PLCB1: variants seen among roughly 807,000 people sequenced by gnomAD.
The protein encoded by PLCB1 is 1-phosphatidylinositol 4,5-bisphosphate phosphodiesterase beta-1.
PLCB1 carries 46 observed loss-of-function variants against 161.8 expected under a neutral mutation model. The observed-to-expected ratio is 0.28, with a 90% CI of 0.22 to 0.36. The LOEUF is 0.36. PLCB1 is among the 10% of genes least tolerant of loss of function. PLCB1 has a pLI of 1.00. For synonymous variants in PLCB1, 517 were observed against 503.7 expected, an observed-to-expected ratio of 1.03 and a Z score of -0.35; for missense variants, 1,016 against 1,472.5, an observed-to-expected ratio of 0.69 and a Z score of 5.07.
chr20:8,530,146 A>G (rs1045944625), intron 3 of PLCB1, among the ~76,000 whole-genome samples: 1 of 152,114 alleles, frequency 6.6e-6, no homozygotes, highest in Non-Finnish European at 1.5e-5. Context: ...TTTCACTTCT[A>G]TGAAGTATCT....
At chr20:8,377,347 A>G (rs1038716728) in intron 3 of PLCB1, among the ~76,000 whole-genome samples, 3 of 152,172 alleles carry the variant, frequency 2.0e-5, no homozygotes, top group East Asian at 1.9e-4. Flanking sequence ...AGGAAGGCCA[A>G]TGTGGCTACT....
intron 12 of PLCB1, among the ~76,000 whole-genome samples, chr20:8,710,794 C>T (rs1466692860): frequency 6.6e-6 from 1 of 151,968 alleles, no homozygotes; most frequent in Non-Finnish European, 1.5e-5. Flanking sequence ...GATTGGCATA[C>T]TTATGTTCTT....
chr20:8,423,885 G>A (rs576680043), intron 3 of PLCB1, among the ~76,000 whole-genome samples: 1 of 152,230 alleles, frequency 6.6e-6, no homozygotes, highest in East Asian at 1.9e-4. Context: ...TTCCTAGAGT[G>A]TCTTGTATTT....
At chr20:8,795,296 A>G (rs142670112) in intron 31 of PLCB1, among the ~76,000 whole-genome samples, 118 of 152,304 alleles carry the variant, frequency 7.7e-4, no homozygotes, top group African/African-American at 2.6e-3. Flanking sequence ...GGAAAACAGA[A>G]GTAGGTGGTC....
Position 8,717,384 on chromosome 20 carries a change from T to C in PLCB1, c.1336-287T>C, listed in dbSNP as rs184387675. Reference sequence around the variant, plus strand: ...AAGATGATTGGGTTTCTATGTTCCATTGGAAAATTCATAAATGTTCAGATT... The same window carrying C: ...AAGATGATTGGGTTTCTATGTTCCACTGGAAAATTCATAAATGTTCAGATT... On this transcript the variant is annotated intron_variant, in intron 13 of 31. Coordinates refer to ENST00000338037, the MANE Select transcript of PLCB1 (RefSeq NM_015192.4). 3.5e-4 allele frequency among the ~76,000 whole-genome samples: 54 copies of C among 152,332 alleles called. No homozygotes were observed. In the East Asian group the frequency reaches 5.8e-3, roughly 16 times the overall value.
At chr20:8,299,087 T>C (rs17431067) in intron 2 of PLCB1, among the ~76,000 whole-genome samples, 16,870 of 152,120 alleles carry the variant, frequency 0.11, 1,419 homozygotes, top group Non-Finnish European at 0.17. Context: ...TGCAAAACTT[T>C]CTAAAATCCT....
chr20:8,870,077 A>G (rs1301650236), intron 31 of PLCB1, among the ~76,000 whole-genome samples: 1 of 152,178 alleles, frequency 6.6e-6, no homozygotes, highest in African/African-American at 2.4e-5. Flanking sequence ...TCTTCAAGGA[A>G]TGGAGAAATA....
intron 2 of PLCB1, among the ~76,000 whole-genome samples, chr20:8,213,692 G>GT (rs1568592427): frequency 6.6e-5 from 10 of 151,114 alleles, no homozygotes; most frequent in African/African-American, 2.2e-4. Context: ...TGGTGGTGGT[G>GT]GTGTGTGTGT....
chr20:8,269,038 C>G (rs796678385), intron 2 of PLCB1, among the ~76,000 whole-genome samples: 2 of 1,718 alleles, frequency 1.2e-3, no homozygotes, highest in South Asian at 0.17. Context: ...CTCAGTCTAC[C>G]TGGCTCTGCA....
intron 10 of PLCB1, among the ~76,000 whole-genome samples, chr20:8,692,092 C>T (rs993336394): frequency 2.0e-5 from 3 of 152,166 alleles, no homozygotes; most frequent in African/African-American, 7.2e-5. Flanking sequence ...CAGCTAATAT[C>T]TTCATTCAGA....
intron 3 of PLCB1, among the ~76,000 whole-genome samples, chr20:8,426,971 GCA>G (rs1327773678): frequency 6.6e-6 from 1 of 152,142 alleles, no homozygotes; most frequent in African/African-American, 2.4e-5. Context: ...AGGCTGGAGT[GCA>G]GTGTCGTGAT....
At chr20:8,797,799 CA>C (rs1393279955) in intron 31 of PLCB1, among the ~76,000 whole-genome samples, 1 of 152,230 alleles carries the variant, frequency 6.6e-6, no homozygotes, top group African/African-American at 2.4e-5. Flanking sequence ...AAAAGCCTAT[CA>C]GGGCAAAAGC....
chr20:8,869,388 T>C (rs16995365), intron 31 of PLCB1, among the ~76,000 whole-genome samples: 7,504 of 152,238 alleles, frequency 0.049, 310 homozygotes, highest in African/African-American at 0.11. Context: ...GAGAAAGTAT[T>C]CCAGTGCTGA....
chr20:8,447,562 T>A (rs1201338814), intron 3 of PLCB1, among the ~76,000 whole-genome samples: 1 of 151,998 alleles, frequency 6.6e-6, no homozygotes, highest in Non-Finnish European at 1.5e-5. Context: ...AGGGATAGAG[T>A]AGGCCGCTTT....
chr20:8,547,727 C>T (rs1179550370), intron 3 of PLCB1, among the ~76,000 whole-genome samples: 1 of 152,022 alleles, frequency 6.6e-6, no homozygotes, highest in Non-Finnish European at 1.5e-5. Context: ...AGTGTTTTCT[C>T]CACCTACATT....
intron 3 of PLCB1, among the ~76,000 whole-genome samples, chr20:8,402,930 C>T (rs1339742554): frequency 2.0e-5 from 3 of 152,018 alleles, no homozygotes; most frequent in Non-Finnish European, 2.9e-5. Context: ...TACAGTGTCA[C>T]CTCCTTATTT....
intron 3 of PLCB1, among the ~76,000 whole-genome samples, chr20:8,395,318 A>G (rs569894364): frequency 1.2e-3 from 188 of 152,012 alleles, no homozygotes; most frequent in African/African-American, 4.4e-3. Context: ...TTTGCTTGCA[A>G]TTTTGTTTGA....
intron 31 of PLCB1, among the ~76,000 whole-genome samples, chr20:8,803,431 A>AT (rs11404680): frequency 0.37 from 51,322 of 138,300 alleles, 10,062 homozygotes; most frequent in East Asian, 0.51. Flanking sequence ...TGGGCCTTTG[A>AT]TTTTTTTTTT....
At chr20:8,849,864 T>C (rs78921984) in intron 31 of PLCB1, among the ~76,000 whole-genome samples, 2 of 151,198 alleles carry the variant, frequency 1.3e-5, no homozygotes, top group East Asian at 3.9e-4. Flanking sequence ...AATACAAAAA[T>C]TAGCTGGGCA....
Sources: allele counts gnomAD v4.1 joint callset (sites outside exome capture counted in the v4.1 genomes callset), GRCh38; gene constraint gnomAD v4.1.1; transcripts MANE v1.5; gene names NCBI Gene and HGNC (gene_info 2026-07-23, HGNC 2026-07-21).